Variants in CACNA1E observed in about 807,000 individuals in gnomAD.
CACNA1E encodes calcium voltage-gated channel subunit alpha1 E, also known as voltage-dependent R-type calcium channel subunit alpha-1E.
A neutral mutation model predicts 259.2 loss-of-function variants in CACNA1E; 40 were observed. That is an observed-to-expected ratio of 0.15 (90% CI 0.12 to 0.20). The LOEUF (loss-of-function observed/expected upper bound fraction) is 0.20. Among genes scored for constraint, CACNA1E ranks in the 10% least tolerant of loss-of-function variants. The pLI, the probability that CACNA1E is intolerant of heterozygous loss-of-function variation, is 1.00. For missense variants in CACNA1E, 1,874 were observed against 3,040.1 expected, an observed-to-expected ratio of 0.62 and a Z score of 9.02; for synonymous variants, 1,104 against 1,138.5, an observed-to-expected ratio of 0.97 and a Z score of 0.61.
chr1:181,534,463 G>A lies in CACNA1E; in HGVS notation c.512+22953G>A, dbSNP rs559387993. The stretch of plus-strand genomic sequence containing the variant: ...GAAACCTATGGAACAGAAACATATA[G>A]GATGAATTGTATGGACAAAGAATTC... On this transcript the variant is annotated intron_variant, in intron 3 of 47. Coordinates refer to ENST00000367573, the MANE Select transcript of CACNA1E (RefSeq NM_001205293.3). Among the ~76,000 whole-genome samples, 48 of 152,156 alleles carry A rather than the reference G, an allele frequency of 3.2e-4. 1 individual carries two copies. The South Asian group carries it at 1.0e-2, about 32-fold the overall frequency.
rs191396282 is a variant in CACNA1E at position 181,439,057 on chromosome 1, G to A, written c.434+25477G>A. Among the ~76,000 whole-genome samples the A allele has an allele frequency of 2.6e-3, 390 of 152,240 alleles. 4 individuals are homozygous for A. The highest frequency in any genetic ancestry group is 8.6e-3 in the African/African-American group (358 of 41,540). On this transcript the variant is annotated intron_variant, in intron 2 of 11. Coordinates refer to the CACNA1E transcript ENST00000524607. ...GTAAAAAACAATAGGAACTGGATGA[G>A]ATTTATAACATATTATGACTTATAT...
At chr1:181,594,395 A>G (rs1340572365) in intron 6 of CACNA1E, among the ~76,000 whole-genome samples, 3 of 152,256 alleles carry the variant, frequency 2.0e-5, no homozygotes, top group African/African-American at 7.2e-5. Context: ...AGTATCAGGC[A>G]TTGGGTTATA....
In CACNA1E at chr1:181,732,631, C is replaced by A. The variant is rs1238784071; in HGVS notation, c.2545C>A (p.Arg849Ser). Residue 849 changes from arginine (R) to serine (S), a missense_variant, in exon 20 of 48, where the codon CGC becomes AGC. Transcript: ENST00000367573. This position sits in a 1 kb window ranked among gnomAD's most constrained non-coding sequence, Gnocchi z 5.5. Reference sequence around the variant, plus strand: ...GGCCCTGGAGAAGTTCGAGGAGGAGCGCATCAGCCGTGGGGGGTCCCTCAA... The same window carrying A: ...GGCCCTGGAGAAGTTCGAGGAGGAGAGCATCAGCCGTGGGGGGTCCCTCAA... ...GLALEKFEEE[R>S]ISRGGSLKGD... 8.7e-6 allele frequency: 13 copies of A among 1,490,652 alleles called. No homozygotes were observed. Among genetic ancestry groups the A allele is most frequent in the South Asian group, 1.4e-5 (1 of 72,540 alleles). The allele number at this position is 1,490,652 out of a possible 1,614,324, so 92.3% of individuals were successfully genotyped here.
intron 1 of CACNA1E, among the ~76,000 whole-genome samples, chr1:181,412,448 T>G (rs1435757644): frequency 6.6e-6 from 1 of 152,094 alleles, no homozygotes; most frequent in Non-Finnish European, 1.5e-5. Flanking sequence ...TGTGTGCCTG[T>G]GGTTCCAGTT....
At chr1:181,464,139 C>A (rs966015081) in intron 2 of CACNA1E, among the ~76,000 whole-genome samples, 1 of 152,072 alleles carries the variant, frequency 6.6e-6, no homozygotes, top group African/African-American at 2.4e-5. Flanking sequence ...CCATGTCTCA[C>A]TAATTTAGTT....
At chr1:181,422,609 T>C (rs1365511934) in intron 2 of CACNA1E, among the ~76,000 whole-genome samples, 1 of 152,232 alleles carries the variant, frequency 6.6e-6, no homozygotes. Context: ...TTGGGTAAGA[T>C]ATCCAACCTT....
chr1:181,383,057 G>C (rs1203428685), intron 1 of CACNA1E, among the ~76,000 whole-genome samples: 2 of 152,168 alleles, frequency 1.3e-5, no homozygotes, highest in African/African-American at 4.8e-5. Context: ...TTCAAATCAG[G>C]CCGTGTTCAC....
rs78673519 is a variant in CACNA1E at position 181,318,318 on chromosome 1, G to A, written c.-15+195G>A. Among the ~76,000 whole-genome samples the A allele has an allele frequency of 9.4e-3, 1,427 of 152,208 alleles. 26 individuals are homozygous for A. Among genetic ancestry groups the A allele is most frequent in the African/African-American group, 0.032 (1,322 of 41,532 alleles). ...GGAATCTCCTCTGCACGCGCTGCCT[G>A]TTCCTCCTCTGCACGCTCTGTCCGT... On this transcript the variant is annotated intron_variant, in intron 1 of 11. Transcript: ENST00000524607.
Position 181,407,691 on chromosome 1 carries a change from TA to T in CACNA1E, c.-14-5440del, listed in dbSNP as rs377741496. Among the ~76,000 whole-genome samples, 1,091 of 152,310 alleles carry T rather than the reference TA, an allele frequency of 7.2e-3. 14 individuals are homozygous for T. The highest frequency in any genetic ancestry group is 0.025 in the African/African-American group (1,030 of 41,570). ...CAGTCAGGTAGCAGGCTGGCTCAGCTAAGAAAAATCCCTAGATGAATATTTA... is the reference window on the plus strand; with the variant it reads ...CAGTCAGGTAGCAGGCTGGCTCAGCTAGAAAAATCCCTAGATGAATATTTA... On this transcript the variant is annotated intron_variant, in intron 1 of 11. Coordinates refer to the CACNA1E transcript ENST00000524607.
At chr1:181,725,669 C>G (rs1422425986) in intron 17 of CACNA1E, among the ~76,000 whole-genome samples, 1 of 152,248 alleles carries the variant, frequency 6.6e-6, no homozygotes, top group Non-Finnish European at 1.5e-5. Flanking sequence ...GGGTCCTTGC[C>G]TGGAAGGCCC....
intron 35 of CACNA1E, among the ~76,000 whole-genome samples, chr1:181,770,382 G>C (rs1310356375): frequency 6.6e-6 from 1 of 152,170 alleles, no homozygotes; most frequent in Non-Finnish European, 1.5e-5. Flanking sequence ...AGGCAGTGCT[G>C]TGTCTGGGAG....
At chr1:181,740,626 A>G (rs930910508) in intron 25 of CACNA1E, among the ~76,000 whole-genome samples, 3 of 152,170 alleles carry the variant, frequency 2.0e-5, no homozygotes, top group Non-Finnish European at 4.4e-5. Context: ...GACTGTGTCC[A>G]CTGCTTCCTC....
intron 1 of CACNA1E, among the ~76,000 whole-genome samples, chr1:181,320,774 C>G (rs1308160057): frequency 1.3e-5 from 2 of 152,188 alleles, no homozygotes; most frequent in African/African-American, 4.8e-5. Flanking sequence ...GGCCAGTCTG[C>G]TCGGCCATCC....
chr1:181,783,613 TCTCA>T, intron 39 of CACNA1E, 62 bp from the exon 40 acceptor site: 1 of 903,870 alleles, frequency 1.1e-6, no homozygotes, highest in South Asian at 1.4e-5. Flanking sequence ...TTTCTTCCTT[TCTCA>T]CTGAGATGTC....
intron 1 of CACNA1E, among the ~76,000 whole-genome samples, chr1:181,507,807 C>A (rs960256593): frequency 2.0e-5 from 3 of 152,200 alleles, no homozygotes; most frequent in Non-Finnish European, 2.9e-5. Context: ...CCAGTCCTAC[C>A]TTCCAGGGCA....
intron 10 of CACNA1E, among the ~76,000 whole-genome samples, 167 bp downstream of exon 10, chr1:181,716,296 TAA>T (rs35884110): frequency 9.9e-5 from 14 of 140,994 alleles, no homozygotes; most frequent in African/African-American, 2.4e-4. Flanking sequence ...ATGATTTATT[TAA>T]AAAAAAAAAA....
chr1:181,732,894 C>T lies in CACNA1E; in HGVS notation c.2808C>T (p.Ala936=), dbSNP rs759238217. 6.8e-6 allele frequency: 11 copies of T among 1,614,004 alleles called. No homozygotes were observed. The highest frequency in any genetic ancestry group is 8.5e-6 in the Non-Finnish European group (10 of 1,179,890). ...VRTEGKESSS[A]SRSRSASQER... ...CAGAAGGCAAGGAGTCCTCTTCAGC[C>T]TCCCGGAGCAGGTCTGCCAGCCAGG... is the stretch of plus-strand genomic sequence containing the variant. The change falls in exon 20 of 48, where the codon GCC becomes GCT. Residue 936 remains alanine (A), a synonymous_variant. Coordinates refer to ENST00000367573, the MANE Select transcript of CACNA1E (RefSeq NM_001205293.3). The surrounding 1 kb of genome is among the most constrained non-coding windows in gnomAD (Gnocchi z 5.5).
At chr1:181,788,203 A>G (rs1284074954) in intron 43 of CACNA1E, among the ~76,000 whole-genome samples, 2 of 152,192 alleles carry the variant, frequency 1.3e-5, no homozygotes, top group Non-Finnish European at 2.9e-5. Context: ...TTGATTTGCT[A>G]CTTGGACTAA....
chr1:181,646,829 G>A (rs957645586), intron 6 of CACNA1E, among the ~76,000 whole-genome samples: 11 of 152,170 alleles, frequency 7.2e-5, no homozygotes, highest in Non-Finnish European at 8.8e-5. Context: ...GCCTGTTTAC[G>A]CAGGGAGTGG....
Sources: allele counts gnomAD v4.1 joint callset (sites outside exome capture counted in the v4.1 genomes callset), GRCh38; gene constraint gnomAD v4.1.1; non-coding constraint Gnocchi (gnomAD v3.1); transcripts MANE v1.5; gene names NCBI Gene and HGNC (gene_info 2026-07-23, HGNC 2026-07-21).